The following PTGES3 variants were observed in gnomAD, a reference collection of about 807,000 sequenced individuals.
PTGES3 encodes the protein Hsp90 co-chaperone.
A neutral mutation model predicts 29.9 loss-of-function variants in PTGES3; 5 were observed. That is an observed-to-expected ratio of 0.17 (90% CI 0.09 to 0.35). PTGES3 has a LOEUF of 0.35. Ranked by LOEUF, PTGES3 falls within the 10% of genes least tolerant of loss-of-function variation. The pLI, the probability that PTGES3 is intolerant of heterozygous loss-of-function variation, is 1.00. For synonymous variants in PTGES3, 49 were observed against 57.8 expected, an observed-to-expected ratio of 0.85 and a Z score of 0.69; for missense variants, 128 against 190.0, an observed-to-expected ratio of 0.67 and a Z score of 1.92.
At chr12:56,687,899 C>A in intron 1 of PTGES3, 99 bp downstream of exon 1, 1 of 1,595,396 alleles carries the variant, frequency 6.3e-7, no homozygotes, top group Non-Finnish European at 8.5e-7. Flanking sequence ...ACGACTGCCA[C>A]CACCGATGCG....
chr12:56,674,693 G>A (rs1952144480), intron 1 of PTGES3, among the ~76,000 whole-genome samples: 1 of 151,554 alleles, frequency 6.6e-6, no homozygotes, highest in Non-Finnish European at 1.5e-5. Context: ...AGGCATGGTG[G>A]TAGGCGCCTG....
chr12:56,687,005 CA>C (rs11297744), intron 1 of PTGES3: 35,678 of 86,540 alleles, frequency 0.41, 5,660 homozygotes, highest in South Asian at 0.57. Context: ...AACCTCCCGT[CA>C]AAAAAAAAAA....
At chr12:56,685,030 G>T (rs1952757235) in intron 1 of PTGES3, among the ~76,000 whole-genome samples, 1 of 152,084 alleles carries the variant, frequency 6.6e-6, no homozygotes, top group South Asian at 2.1e-4. Context: ...CTGAGGCAAG[G>T]AGGATCGCTT....
intron 1 of PTGES3, among the ~76,000 whole-genome samples, chr12:56,683,156 T>C (rs1422559794): frequency 6.6e-6 from 1 of 151,718 alleles, no homozygotes; most frequent in African/African-American, 2.4e-5. Context: ...AAGACCAGCC[T>C]GGCCAAGATG....
chr12:56,687,779 G>A (rs1176666219), intron 1 of PTGES3: 6 of 1,384,896 alleles, frequency 4.3e-6, no homozygotes, highest in Middle Eastern at 1.9e-4. Flanking sequence ...GCATGGGGAA[G>A]CCAAGGAACG....
At chr12:56,669,111 G>A (rs2137600405) in intron 5 of PTGES3, among the ~76,000 whole-genome samples, 1 of 150,948 alleles carries the variant, frequency 6.6e-6, no homozygotes, top group South Asian at 2.1e-4. Context: ...CTGGGTTCAA[G>A]CAATTCTCCT....
At chr12:56,685,615 T>C (rs571414033) in intron 1 of PTGES3, among the ~76,000 whole-genome samples, 13 of 151,790 alleles carry the variant, frequency 8.6e-5, no homozygotes, top group African/African-American at 2.9e-4. Flanking sequence ...TTAGCCAGGA[T>C]GGTCTCGATC....
In PTGES3 at chr12:56,666,211, G is replaced by A; in HGVS notation, c.431C>T (p.Ala144Val). 6.2e-7 allele frequency: 1 copy of A among 1,609,414 alleles called. No individual in the cohort carries two copies. Among genetic ancestry groups the A allele is most frequent in the Non-Finnish European group, 8.5e-7 (1 of 1,177,478 alleles). The change falls in exon 6 of 8, where the codon GCA becomes GTA. Residue 144 changes from alanine (A) to valine (V), a missense_variant. Transcript: ENST00000262033. Reference protein sequence around the residue: ...EDVDLPEVDGADDDSQDSDDE... With the variant: ...EDVDLPEVDGVDDDSQDSDDE... ...AAGAATTTTTAGACTTACATCATCT[G>A]CTCCATCTACTTCTGGTAAATCTAC... is the stretch of plus-strand genomic sequence containing the variant.
At position 56,688,264 on chromosome 12, in the gene PTGES3, G is replaced by A. The variant is rs1033815467; in HGVS notation, c.-265C>T. The A allele has an allele frequency of 9.1e-6, 5 of 550,020 alleles. No individual in the cohort carries two copies. Among genetic ancestry groups the A allele is most frequent in the Non-Finnish European group, 1.2e-5 (4 of 343,968 alleles). The allele number at this position is 550,020 out of a possible 1,614,324, so 34.1% of individuals were successfully genotyped here. A position where few individuals can be genotyped will look rare whatever the true frequency, so the allele number is the denominator to read the frequency against. ...GAGGACGGAGAATGAACGTGCGTGC[G>A]TGCAAACGAGGGGTGGTGAGGCCGG... On this transcript the variant is annotated 5_prime_UTR_variant, in exon 1 of 8. The change creates a new upstream start codon in the 5' untranslated region. Coordinates refer to ENST00000262033, the MANE Select transcript of PTGES3 (RefSeq NM_006601.7).
At chr12:56,672,206 A>G (rs79216650) in intron 3 of PTGES3, among the ~76,000 whole-genome samples, 2,091 of 152,272 alleles carry the variant, frequency 0.014, 52 homozygotes, top group African/African-American at 0.048. Context: ...TTCTATTCTT[A>G]GATAAGGGAA....
intron 1 of PTGES3, among the ~76,000 whole-genome samples, chr12:56,678,788 A>T (rs1300881149): frequency 6.6e-6 from 1 of 152,186 alleles, no homozygotes; most frequent in Non-Finnish European, 1.5e-5. Context: ...TGGTATATAT[A>T]GCCCTTCTAT....
At chr12:56,678,842 C>A (rs1184065844) in intron 1 of PTGES3, among the ~76,000 whole-genome samples, 2 of 152,140 alleles carry the variant, frequency 1.3e-5, no homozygotes, top group African/African-American at 4.8e-5. Context: ...ATAGGCTGGG[C>A]ACTGTGCCTC....
intron 1 of PTGES3, among the ~76,000 whole-genome samples, chr12:56,683,201 T>C (rs1952634905): frequency 6.7e-6 from 1 of 149,952 alleles, no homozygotes; most frequent in Non-Finnish European, 1.5e-5. Context: ...TATATAAAAT[T>C]AGGCCAGATG....
intron 1 of PTGES3, among the ~76,000 whole-genome samples, chr12:56,679,993 G>A (rs1449012188): frequency 6.6e-6 from 1 of 151,866 alleles, no homozygotes; most frequent in African/African-American, 2.4e-5. Context: ...ATGTTAATAG[G>A]AGAAAAAGAG....
rs541718191 is a variant in PTGES3, at chr12:56,678,234, G to C, written c.3-5169C>G. ...GCTCTGTCGCCCAGGTTGGAGTGCAGTGGCGTGATCTCGGCTCACAGCAGC... is the reference window on the plus strand; with the variant it reads ...GCTCTGTCGCCCAGGTTGGAGTGCACTGGCGTGATCTCGGCTCACAGCAGC... On this transcript the variant is annotated intron_variant, in intron 1 of 7. Transcript: ENST00000262033. 1.1e-4 allele frequency among the ~76,000 whole-genome samples: 17 copies of C among 152,246 alleles called. No homozygotes were observed. The South Asian group carries it at 3.5e-3, about 32-fold the overall frequency.
At chr12:56,683,499 A>AAAAAAAAAAAAAAAAT (rs1952659737) in intron 1 of PTGES3, among the ~76,000 whole-genome samples, 1 of 144,856 alleles carries the variant, frequency 6.9e-6, no homozygotes, top group African/African-American at 2.6e-5. Context: ...AAAAAAAAAA[A>AAAAAAAAAAAAAAAAT]AATTAGCCAG....
chr12:56,668,325 C>A (rs938484188), intron 5 of PTGES3, among the ~76,000 whole-genome samples: 16 of 152,110 alleles, frequency 1.1e-4, no homozygotes, highest in African/African-American at 3.9e-4. Context: ...CCAAGCATAA[C>A]GCTACGTGCT....
intron 1 of PTGES3, among the ~76,000 whole-genome samples, chr12:56,683,876 G>C (rs926678489): frequency 7.1e-6 from 1 of 140,396 alleles, no homozygotes; most frequent in African/African-American, 2.7e-5. Flanking sequence ...AGAGAATGGC[G>C]TGAACCCCAG....
At chr12:56,664,896 A>C (rs552983657) in intron 6 of PTGES3, 96 bp from the exon 7 acceptor site, 2 of 1,532,372 alleles carry the variant, frequency 1.3e-6, no homozygotes, top group African/African-American at 1.4e-5. Flanking sequence ...ATTTTTGACT[A>C]AAGTAGCACA....
Sources: allele counts gnomAD v4.1 joint callset (sites outside exome capture counted in the v4.1 genomes callset), GRCh38; gene constraint gnomAD v4.1.1; transcripts MANE v1.5; gene names NCBI Gene and HGNC (gene_info 2026-07-23, HGNC 2026-07-21).